TMTC2: variants seen among roughly 807,000 people sequenced by gnomAD.
TMTC2 encodes protein O-mannosyl-transferase TMTC2.
In TMTC2, 43 loss-of-function variants were observed where a neutral mutation model predicts 82.4. That is an observed-to-expected ratio of 0.52 (90% CI 0.41 to 0.67). The LOEUF (loss-of-function observed/expected upper bound fraction) is 0.67, where lower values mean the gene tolerates loss of function less well. Ranked by LOEUF, TMTC2 falls within the 30% of genes least tolerant of loss-of-function variation. TMTC2 has a pLI of 0.00. For synonymous variants in TMTC2, 408 were observed against 381.9 expected (o/e 1.07, Z -0.80); for missense variants, 919 against 1,012.4 (o/e 0.91, Z 1.25).
chr12:82,876,038 G>A (rs1182318293), intron 2 of TMTC2, among the ~76,000 whole-genome samples: 4 of 105,398 alleles, frequency 3.8e-5, no homozygotes, highest in African/African-American at 1.9e-4. Flanking sequence ...CGGTGGTGGT[G>A]GTGGTGGTGG....
At chr12:82,841,542 C>T (rs1870335135) in intron 1 of TMTC2, among the ~76,000 whole-genome samples, 1 of 152,124 alleles carries the variant, frequency 6.6e-6, no homozygotes, top group African/African-American at 2.4e-5. Flanking sequence ...GCTCGCATAT[C>T]CGTGTGTCCG....
At chr12:82,982,530 G>A (rs1363930182) in intron 7 of TMTC2, among the ~76,000 whole-genome samples, 2 of 149,666 alleles carry the variant, frequency 1.3e-5, no homozygotes, top group Admixed American at 6.7e-5. Flanking sequence ...TAGAACTAAA[G>A]TACATATTCT....
At chr12:83,058,097 G>T (rs1218639404) in intron 10 of TMTC2, among the ~76,000 whole-genome samples, 7 of 151,662 alleles carry the variant, frequency 4.6e-5, no homozygotes, top group Non-Finnish European at 1.0e-4. Flanking sequence ...CCATAAACAT[G>T]TGTTCCAAAA....
chr12:82,930,392 T>C, intron 3 of TMTC2, 39 bp from the exon 4 acceptor site: 2 of 1,241,112 alleles, frequency 1.6e-6, no homozygotes, highest in Non-Finnish European at 2.3e-6. Context: ...TATAATTGGA[T>C]TGATGCTCAG....
At chr12:82,751,336 A>G (rs1186235116) in intron 1 of TMTC2, among the ~76,000 whole-genome samples, 1 of 151,624 alleles carries the variant, frequency 6.6e-6, no homozygotes, top group African/African-American at 2.4e-5. Flanking sequence ...GAATTGAACA[A>G]TGAGAAGACA....
chr12:82,695,679 T>TG (rs1452605636), intron 1 of TMTC2, among the ~76,000 whole-genome samples: 1 of 152,350 alleles, frequency 6.6e-6, no homozygotes, highest in Admixed American at 6.5e-5. Context: ...AAGGACTTAC[T>TG]GGTTGTCAGT....
intron 1 of TMTC2, among the ~76,000 whole-genome samples, chr12:82,775,003 A>G (rs1877512970): frequency 6.6e-6 from 1 of 152,064 alleles, no homozygotes; most frequent in South Asian, 2.1e-4. Flanking sequence ...TCTGCCATAG[A>G]TCAACTAATT....
chr12:83,086,911 G>A (rs1247148462), intron 11 of TMTC2, among the ~76,000 whole-genome samples: 2 of 152,146 alleles, frequency 1.3e-5, no homozygotes, highest in Non-Finnish European at 2.9e-5. Context: ...TGAAGGCTGG[G>A]CTGGCTGTGG....
chr12:82,795,422 C>T (rs987055080), intron 1 of TMTC2, among the ~76,000 whole-genome samples: 1 of 151,738 alleles, frequency 6.6e-6, no homozygotes, highest in Non-Finnish European at 1.5e-5. Context: ...ATATCATGGT[C>T]CTGTATTTAA....
Position 83,091,806 on chromosome 12 carries a change from G to A in TMTC2, c.2331+29975G>A, listed in dbSNP as rs575698551. On this transcript the variant is annotated intron_variant, in intron 11 of 11. Coordinates refer to ENST00000321196, the MANE Select transcript of TMTC2 (RefSeq NM_152588.3). ...TTTGAGAAGGCCTCCCTCACACTGA[G>A]ATTTTGTTAAGTTAGATTTTTAATT... Among the ~76,000 whole-genome samples the A allele has an allele frequency of 4.6e-5, 7 of 152,250 alleles. No individual in the cohort carries two copies. The South Asian group carries it at 1.5e-3, about 32-fold the overall frequency.
intron 11 of TMTC2, among the ~76,000 whole-genome samples, chr12:83,121,035 G>T (rs2137560453): frequency 6.6e-6 from 1 of 152,232 alleles, no homozygotes; most frequent in East Asian, 1.9e-4. Flanking sequence ...CTATTTCAGT[G>T]AATATTTCTC....
At chr12:82,920,336 T>C (rs908475823) in intron 3 of TMTC2, among the ~76,000 whole-genome samples, 2 of 152,206 alleles carry the variant, frequency 1.3e-5, no homozygotes, top group African/African-American at 2.4e-5. Flanking sequence ...GTATTTGAAA[T>C]TGGAACTTTG....
intron 1 of TMTC2, among the ~76,000 whole-genome samples, chr12:82,831,483 C>A (rs909257572): frequency 9.2e-5 from 14 of 152,174 alleles, no homozygotes; most frequent in Admixed American, 2.6e-4. Context: ...TACGGCCTGG[C>A]AGATCATAAG....
chr12:82,977,976 ATAAT>A (rs1346285297), intron 7 of TMTC2, among the ~76,000 whole-genome samples: 3 of 151,818 alleles, frequency 2.0e-5, no homozygotes, highest in African/African-American at 7.2e-5. Context: ...ATTTTACTAT[ATAAT>A]TGATTTTTTT....
Position 83,132,983 on chromosome 12 carries a change from T to C in TMTC2, c.*594T>C, listed in dbSNP as rs1885313653. The C allele has an allele frequency of 6.6e-6, 1 of 152,248 alleles. No individual in the cohort carries two copies. Among genetic ancestry groups the C allele is most frequent in the Non-Finnish European group, 1.5e-5 (1 of 68,094 alleles). The allele number at this position is 152,248 out of a possible 1,614,324, so 9.4% of individuals were successfully genotyped here. On this transcript the variant is annotated 3_prime_UTR_variant, in exon 12 of 12. Coordinates refer to ENST00000321196, the MANE Select transcript of TMTC2 (RefSeq NM_152588.3). ...TTCTTGACCAGTGCACATAATGTTT[T>C]ATGATTTGGATGTCAGAGGCTTCAT...
intron 3 of TMTC2, among the ~76,000 whole-genome samples, chr12:82,915,688 G>C (rs912012621): frequency 6.6e-6 from 1 of 152,202 alleles, no homozygotes; most frequent in Non-Finnish European, 1.5e-5. Flanking sequence ...TTCTGTACAA[G>C]TCGTCTAAGA....
intron 1 of TMTC2, among the ~76,000 whole-genome samples, chr12:82,802,380 C>T (rs904643748): frequency 3.3e-5 from 5 of 152,142 alleles, no homozygotes; most frequent in Admixed American, 2.0e-4. Flanking sequence ...TTGGCCAGCC[C>T]GGAAAGGGGC....
intron 1 of TMTC2, among the ~76,000 whole-genome samples, chr12:82,792,580 T>G (rs561469650): frequency 6.6e-6 from 1 of 152,106 alleles, no homozygotes; most frequent in Non-Finnish European, 1.5e-5. Flanking sequence ...AATTCTCCCA[T>G]TTCAGCTCCC....
At chr12:82,877,936 C>A (rs1360008533) in intron 2 of TMTC2, among the ~76,000 whole-genome samples, 1 of 152,158 alleles carries the variant, frequency 6.6e-6, no homozygotes, top group Non-Finnish European at 1.5e-5. Context: ...GACATGTATA[C>A]TTTTAAAAAT....
Sources: gnomAD v4.1 joint callset for allele counts (sites outside exome capture counted in the v4.1 genomes callset) on GRCh38, gnomAD v4.1.1 for gene constraint, MANE v1.5 for transcripts, NCBI Gene and HGNC (gene_info 2026-07-23, HGNC 2026-07-21) for gene names.